GABBR2: variants seen among roughly 807,000 people sequenced by gnomAD.
The protein encoded by GABBR2 is G-protein coupled receptor 51.
GABBR2 carries 23 observed loss-of-function variants against 105.6 expected under a neutral mutation model. The ratio of observed to expected loss-of-function variants is 0.22; its 90% CI spans 0.16 to 0.31. The LOEUF (loss-of-function observed/expected upper bound fraction) is 0.31. Among genes scored for constraint, GABBR2 ranks in the 10% least tolerant of loss-of-function variants. The pLI is 1.00. For missense variants in GABBR2, 734 were observed against 1,245.5 expected (o/e 0.59, Z 6.18); for synonymous variants, 478 against 499.7 (o/e 0.96, Z 0.58).
intron 1 of GABBR2, among the ~76,000 whole-genome samples, chr9:98,617,090 T>C (rs1266340443): frequency 6.6e-6 from 1 of 152,204 alleles, no homozygotes; most frequent in Non-Finnish European, 1.5e-5. Flanking sequence ...AGAATTTTCC[T>C]GGGTCCCTGC....
At chr9:98,502,456 G>A (rs1274931383) in intron 3 of GABBR2, among the ~76,000 whole-genome samples, 1 of 152,106 alleles carries the variant, frequency 6.6e-6, no homozygotes, top group Non-Finnish European at 1.5e-5. Context: ...CCCAGCCTTG[G>A]GTTTATCAAA....
chr9:98,399,538 C>T (rs1832353101), intron 8 of GABBR2, among the ~76,000 whole-genome samples: 1 of 152,032 alleles, frequency 6.6e-6, no homozygotes, highest in South Asian at 2.1e-4. Flanking sequence ...CTGTGGGCTC[C>T]CTGAGGGCAA....
At chr9:98,458,197 G>A (rs1826359450) in intron 6 of GABBR2, among the ~76,000 whole-genome samples, 1 of 152,170 alleles carries the variant, frequency 6.6e-6, no homozygotes, top group Non-Finnish European at 1.5e-5. Flanking sequence ...TGGGAGAGGG[G>A]AGCCTCATGG....
chr9:98,610,382 T>G (rs1453396050), intron 1 of GABBR2, among the ~76,000 whole-genome samples: 1 of 152,232 alleles, frequency 6.6e-6, no homozygotes, highest in Admixed American at 6.5e-5. Context: ...GTCAGGTCCT[T>G]AGCACTGCGC....
chr9:98,469,739 C>T (rs919113425), intron 6 of GABBR2, among the ~76,000 whole-genome samples: 18 of 152,226 alleles, frequency 1.2e-4, no homozygotes, highest in African/African-American at 3.9e-4. Context: ...AACCCACTTT[C>T]GTGATCTTGG....
intron 1 of GABBR2, among the ~76,000 whole-genome samples, chr9:98,624,418 T>C (rs896927788): frequency 6.6e-6 from 1 of 152,120 alleles, no homozygotes; most frequent in African/African-American, 2.4e-5. Context: ...GAGGTGGATA[T>C]ATTTTGGCCA....
intron 2 of GABBR2, among the ~76,000 whole-genome samples, chr9:98,564,861 G>A (rs1054231073): frequency 3.3e-5 from 5 of 152,142 alleles, no homozygotes; most frequent in African/African-American, 9.7e-5. Context: ...TGAGGAAAAC[G>A]CTGGGTACCT....
In GABBR2 at chr9:98,290,658, A is replaced by T; in HGVS notation, c.2752T>A (p.Cys918Ser). ...GGVDASCVSP[C>S]VSPTASPRHR... is the part of the protein sequence containing the mutation. The stretch of plus-strand genomic sequence containing the variant: ...CGGGGGCTGGCGGTGGGGCTGACGC[A>T]GGGGCTGACACAGCTGGCGTCCACG... The change falls in exon 19 of 19, where the codon TGC becomes AGC. Residue 918 changes from cysteine (C) to serine (S), a missense_variant. Around this residue, in one of 7 missense-constraint regions of GABBR2, gnomAD observed 134 missense variants for 171.2 expected, o/e 0.78. Transcript: ENST00000259455. 6.8e-7 allele frequency: 1 copy of T among 1,466,776 alleles called. No individual in the cohort carries two copies. The highest frequency in any genetic ancestry group is 1.5e-5 in the South Asian group (1 of 65,750). The allele number at this position is 1,466,776 out of a possible 1,614,324, so 90.9% of individuals were successfully genotyped here. A position where few individuals can be genotyped will look rare whatever the true frequency, so the allele number is the denominator to read the frequency against.
chr9:98,453,321 C>T (rs1418110726), intron 7 of GABBR2, among the ~76,000 whole-genome samples: 13 of 152,228 alleles, frequency 8.5e-5, no homozygotes, highest in Middle Eastern at 3.2e-3. Flanking sequence ...CCACCATGCC[C>T]GGCCTCTATG....
chr9:98,641,940 G>A (rs1238892710), intron 1 of GABBR2, among the ~76,000 whole-genome samples: 5 of 152,116 alleles, frequency 3.3e-5, no homozygotes, highest in Non-Finnish European at 7.4e-5. Context: ...GGACCCCAAC[G>A]GCCTCACTCG....
intron 1 of GABBR2, among the ~76,000 whole-genome samples, chr9:98,629,987 C>T (rs1490290104): frequency 1.3e-5 from 2 of 151,938 alleles, no homozygotes; most frequent in African/African-American, 4.8e-5. Context: ...AATTAAAACA[C>T]TTTTGTGGGC....
chr9:98,624,855 GGA>G (rs1829713932), intron 1 of GABBR2, among the ~76,000 whole-genome samples: 1 of 152,172 alleles, frequency 6.6e-6, no homozygotes. Context: ...ATTTACTGTG[GGA>G]CCTTGAGCAA....
rs1484486941 is a variant in GABBR2 at position 98,388,110 on chromosome 9, G to A, written c.1529+744C>T. On this transcript the variant is annotated intron_variant, in intron 10 of 18. Coordinates refer to ENST00000259455, the MANE Select transcript of GABBR2 (RefSeq NM_005458.8). The surrounding 1 kb of genome is among the most constrained non-coding windows in gnomAD (Gnocchi z 4.4). ...GCTATGGACACCAAAGAAGCAAAAT[G>A]CACTTGGTAAAAACCACCGCCTGGA... 1.3e-5 allele frequency among the ~76,000 whole-genome samples: 2 copies of A among 152,186 alleles called. No individual in the cohort carries two copies. The highest frequency in any genetic ancestry group is 3.9e-4 in the East Asian group (2 of 5,184).
chr9:98,449,101 C>T lies in GABBR2; in HGVS notation c.1236+4880G>A, dbSNP rs7045849. 4.6e-3 allele frequency among the ~76,000 whole-genome samples: 704 copies of T among 152,228 alleles called. 8 individuals carry two copies. Among genetic ancestry groups the T allele is most frequent in the African/African-American group, 0.016 (670 of 41,530 alleles). On this transcript the variant is annotated intron_variant, in intron 7 of 18. Transcript: ENST00000259455. ...AGCCACAGCACACTGACGTGTTGAG[C>T]GTTGGGAAGAGGGGCCTGGTATTGC...
intron 8 of GABBR2, among the ~76,000 whole-genome samples, chr9:98,403,548 C>T (rs916856686): frequency 6.6e-6 from 1 of 151,916 alleles, no homozygotes; most frequent in African/African-American, 2.4e-5. Flanking sequence ...ACCATGAATT[C>T]TGGAATGAGA....
chr9:98,697,478 G>A (rs1355202681), intron 1 of GABBR2, among the ~76,000 whole-genome samples: 3 of 128,642 alleles, frequency 2.3e-5, no homozygotes, highest in Non-Finnish European at 4.9e-5. Context: ...GCGACAGAGC[G>A]ACACTCCGTC....
chr9:98,419,141 G>C (rs929408468), intron 7 of GABBR2, among the ~76,000 whole-genome samples: 1 of 152,220 alleles, frequency 6.6e-6, no homozygotes, highest in Non-Finnish European at 1.5e-5. Context: ...AGCTGGTGCA[G>C]CAGCCGTCCA....
At chr9:98,613,701 T>C (rs1418480422) in intron 1 of GABBR2, among the ~76,000 whole-genome samples, 2 of 152,230 alleles carry the variant, frequency 1.3e-5, no homozygotes, top group Non-Finnish European at 1.5e-5. Context: ...TGAACTCTGC[T>C]AAAGCAGTAT....
chr9:98,497,582 G>A (rs1260549547), intron 3 of GABBR2, among the ~76,000 whole-genome samples: 3 of 152,192 alleles, frequency 2.0e-5, no homozygotes, highest in African/African-American at 7.2e-5. Context: ...CCAGCTTCCA[G>A]GTCCTGCTCT....
Sources: gnomAD v4.1 joint callset for allele counts (sites outside exome capture counted in the v4.1 genomes callset) on GRCh38, gnomAD v4.1.1 for gene constraint, gnomAD v4.1.1 regional missense constraint, Gnocchi (gnomAD v3.1) non-coding constraint, MANE v1.5 for transcripts, NCBI Gene and HGNC (gene_info 2026-07-23, HGNC 2026-07-21) for gene names.